The following BMP2K variants were observed in gnomAD, a reference collection of about 807,000 sequenced individuals.
BMP2K encodes the protein BMP-2-inducible protein kinase.
BMP2K carries 74 observed loss-of-function variants against 116.0 expected under a neutral mutation model. That is an observed-to-expected ratio of 0.64 (90% CI 0.53 to 0.77). BMP2K has a LOEUF of 0.77. BMP2K is among the 30% of genes least tolerant of loss of function. The pLI is 0.00. For synonymous variants in BMP2K, 486 were observed against 502.5 expected (o/e 0.97, Z 0.44); for missense variants, 1,365 against 1,403.6 (o/e 0.97, Z 0.44).
At chr4:78,871,127 A>T (rs1732336821) in intron 11 of BMP2K, 67 bp downstream of exon 11, 3 of 1,569,608 alleles carry the variant, frequency 1.9e-6, no homozygotes, top group Non-Finnish European at 2.6e-6. Flanking sequence ...AATATCAGTG[A>T]ATTCCTTTTT....
At chr4:78,794,318 A>T (rs1047119005) in intron 1 of BMP2K, among the ~76,000 whole-genome samples, 3 of 152,220 alleles carry the variant, frequency 2.0e-5, no homozygotes, top group Non-Finnish European at 1.5e-5. Flanking sequence ...ACAGACCGTC[A>T]TTAGGTATTA....
Position 78,910,728 on chromosome 4 carries a change from C to T in BMP2K, c.2181C>T (p.Thr727=). The change falls in exon 16 of 16, where the codon ACC becomes ACT. Residue 727 remains threonine (T), a synonymous_variant. Coordinates refer to ENST00000502613, the MANE Select transcript of BMP2K (RefSeq NM_198892.2). ...AAGATCAGCGGACTGGAAAGAAAACCTCAGTACAGGGTCAAGTGCAAAAGG... is the reference window on the plus strand; with the variant it reads ...AAGATCAGCGGACTGGAAAGAAAACTTCAGTACAGGGTCAAGTGCAAAAGG... ...ASKDQRTGKK[T]SVQGQVQKGN... 1 of 1,613,630 alleles carries T rather than the reference C, an allele frequency of 6.2e-7. No homozygotes were observed. Among genetic ancestry groups the T allele is most frequent in the Non-Finnish European group, 8.5e-7 (1 of 1,179,792 alleles).
chr4:78,887,142 A>AT, intron 14 of BMP2K, 32 bp from the exon 15 acceptor site: 1 of 1,371,662 alleles, frequency 7.3e-7, no homozygotes, highest in East Asian at 2.4e-5. Context: ...ATTTCATTTC[A>AT]TTTTTTATTT....
chr4:78,905,754 T>C (rs572328368), intron 15 of BMP2K, among the ~76,000 whole-genome samples: 175 of 152,148 alleles, frequency 1.2e-3, no homozygotes, highest in African/African-American at 4.1e-3. Context: ...ATGTGTATTA[T>C]TTAATCTAAC....
chr4:78,893,214 C>T (rs137910785), intron 15 of BMP2K, among the ~76,000 whole-genome samples: 1 of 152,312 alleles, frequency 6.6e-6, no homozygotes, highest in East Asian at 1.9e-4. Flanking sequence ...TCTCAAGAAA[C>T]CACTTCTTTG....
chr4:78,835,918 G>A (rs1332712096), intron 3 of BMP2K, among the ~76,000 whole-genome samples: 1 of 152,098 alleles, frequency 6.6e-6, no homozygotes, highest in Non-Finnish European at 1.5e-5. Flanking sequence ...TTTAGATATT[G>A]TCTCTAAGAA....
chr4:78,896,280 C>T (rs1577970201), intron 15 of BMP2K, among the ~76,000 whole-genome samples: 2 of 152,156 alleles, frequency 1.3e-5, no homozygotes, highest in Non-Finnish European at 2.9e-5. Context: ...AATGCCTATA[C>T]TATGATAAAA....
chr4:78,889,006 G>A (rs1733266509), intron 15 of BMP2K, among the ~76,000 whole-genome samples: 2 of 152,150 alleles, frequency 1.3e-5, no homozygotes, highest in South Asian at 4.1e-4. Flanking sequence ...CGGATCATGA[G>A]GTCAGGAGAT....
intron 1 of BMP2K, among the ~76,000 whole-genome samples, chr4:78,803,505 A>C (rs1728672256): frequency 6.6e-6 from 1 of 152,036 alleles, no homozygotes; most frequent in African/African-American, 2.4e-5. Context: ...CAGCCACCTG[A>C]GTAGCTGGGA....
At chr4:78,799,019 A>T (rs915244413) in intron 1 of BMP2K, among the ~76,000 whole-genome samples, 1 of 152,224 alleles carries the variant, frequency 6.6e-6, no homozygotes, top group African/African-American at 2.4e-5. Context: ...GAAACTTCTA[A>T]TTGTCTAGAG....
chr4:78,898,201 G>C (rs1733805431), intron 15 of BMP2K, among the ~76,000 whole-genome samples: 1 of 152,094 alleles, frequency 6.6e-6, no homozygotes, highest in Non-Finnish European at 1.5e-5. Context: ...CTTCCTCAAC[G>C]CTCCCAAAGA....
intron 10 of BMP2K, among the ~76,000 whole-genome samples, chr4:78,867,835 G>A (rs1318429800): frequency 6.6e-6 from 1 of 152,168 alleles, no homozygotes; most frequent in African/African-American, 2.4e-5. Context: ...CGAGTTGGGT[G>A]GATCACTTGA....
At chr4:78,786,316 C>T (rs1454420554) in intron 1 of BMP2K, among the ~76,000 whole-genome samples, 1 of 152,110 alleles carries the variant, frequency 6.6e-6, no homozygotes, top group Non-Finnish European at 1.5e-5. Flanking sequence ...GAAACAAGCC[C>T]TCTCCAGGCA....
chr4:78,854,728 C>T (rs1397477621), intron 7 of BMP2K, among the ~76,000 whole-genome samples: 2 of 151,978 alleles, frequency 1.3e-5, no homozygotes, highest in Non-Finnish European at 2.9e-5. Context: ...TGTGGGAAAC[C>T]AGGAATTTGC....
chr4:78,904,233 G>T (rs1427064731), intron 15 of BMP2K, among the ~76,000 whole-genome samples: 10 of 151,966 alleles, frequency 6.6e-5, no homozygotes, highest in African/African-American at 2.4e-4. Flanking sequence ...AGATTGAAGA[G>T]AAAAAAGTTC....
rs201553990 is a variant in BMP2K at position 78,826,127 on chromosome 4, A to G, written c.269A>G (p.Asn90Ser). ...TATGTCAATAACATGCCAGACCTCA[A>G]TGTTTGTAAAAGGGAAATTACAATT... The part of the protein sequence containing the change: ...RMYVNNMPDL[N>S]VCKREITIMK... The change falls in exon 2 of 16, where the codon AAT (asparagine) becomes AGT (serine). Residue 90 changes from asparagine to serine, a missense_variant. Coordinates refer to ENST00000502613, the MANE Select transcript of BMP2K (RefSeq NM_198892.2). 2.1e-4 allele frequency: 335 copies of G among 1,613,520 alleles called. No homozygotes were observed. Among genetic ancestry groups the G allele is most frequent in the Non-Finnish European group, 2.7e-4 (313 of 1,179,568 alleles).
intron 1 of BMP2K, among the ~76,000 whole-genome samples, chr4:78,816,290 A>G (rs1033193784): frequency 2.0e-5 from 3 of 152,160 alleles, no homozygotes; most frequent in African/African-American, 4.8e-5. Context: ...TGTCCCAGTG[A>G]TAGTGACTAC....
At chr4:78,799,384 G>A (rs1462626543) in intron 1 of BMP2K, among the ~76,000 whole-genome samples, 2 of 151,960 alleles carry the variant, frequency 1.3e-5, no homozygotes, top group African/African-American at 4.8e-5. Flanking sequence ...CATTATATTC[G>A]TTGATTTCTT....
rs191875629 is a variant in BMP2K, at chr4:78,817,724, C to T, written c.179-8313C>T. Among the ~76,000 whole-genome samples the T allele has an allele frequency of 3.9e-5, 6 of 152,042 alleles. No homozygotes were observed. In the East Asian group the frequency reaches 7.7e-4, roughly 20 times the overall value. ...TCTCCTATCCGCAGAGGTAGGGGGT[C>T]GGGGGAAAGGGAAGGGAGGGGCTGA... On this transcript the variant is annotated intron_variant, in intron 1 of 15. Coordinates refer to ENST00000502613, the MANE Select transcript of BMP2K (RefSeq NM_198892.2).
Sources: gnomAD v4.1 joint callset for allele counts (sites outside exome capture counted in the v4.1 genomes callset) on GRCh38, gnomAD v4.1.1 for gene constraint, MANE v1.5 for transcripts, NCBI Gene and HGNC (gene_info 2026-07-23, HGNC 2026-07-21) for gene names.